Variants in SULT1C2 observed in about 807,000 individuals in gnomAD.
SULT1C2 encodes the protein sulfotransferase 1C2.
A neutral mutation model predicts 36.0 loss-of-function variants in SULT1C2; 27 were observed. The ratio of observed to expected loss-of-function variants is 0.75; its 90% confidence interval spans 0.55 to 1.03. The LOEUF (loss-of-function observed/expected upper bound fraction) is 1.03, where lower values mean the gene tolerates loss of function less well. Among genes scored for constraint, SULT1C2 ranks in the 50% least tolerant of loss-of-function variants. SULT1C2 has a pLI of 0.00. For missense variants in SULT1C2, 395 were observed against 359.2 expected (o/e 1.10, Z -0.80); for synonymous variants, 121 against 116.0 (o/e 1.04, Z -0.27).
At chr2:108,295,012 C>T (rs1224070045) in intron 3 of SULT1C2, among the ~76,000 whole-genome samples, 1 of 152,154 alleles carries the variant, frequency 6.6e-6, no homozygotes, top group Non-Finnish European at 1.5e-5. Context: ...TTGCAGAGAT[C>T]CATGTGATAG....
intron 1 of SULT1C2, among the ~76,000 whole-genome samples, chr2:108,293,127 A>C: frequency 6.9e-6 from 1 of 145,388 alleles, no homozygotes; most frequent in African/African-American, 2.6e-5. Flanking sequence ...TGCAGTGAGC[A>C]GAGATCATGC....
In SULT1C2 at chr2:108,294,292, A is replaced by G; in HGVS notation, c.215A>G (p.Gln72Arg). 1 of 1,614,126 alleles carries G rather than the reference A, an allele frequency of 6.2e-7. No homozygotes were observed. Among genetic ancestry groups the G allele is most frequent in the Non-Finnish European group, 8.5e-7 (1 of 1,180,002 alleles). Reference sequence around the variant, plus strand: ...CAGAATGGGGACGTGGAGAAGTGCCAGCGAGCCATCATCCAACACCGCCAT... The same window carrying G: ...CAGAATGGGGACGTGGAGAAGTGCCGGCGAGCCATCATCCAACACCGCCAT... Reference protein sequence around the residue: ...IEQNGDVEKCQRAIIQHRHPF... With the variant: ...IEQNGDVEKCRRAIIQHRHPF... The change falls in exon 3 of 8, where the codon CAG (glutamine) becomes CGG (arginine). Residue 72 changes from glutamine (Q) to arginine (R), a missense_variant. By Grantham distance (43) the Gln-to-Arg change is conservative. Transcript: ENST00000251481.
chr2:108,300,892 C>T lies in SULT1C2; in HGVS notation c.332C>T (p.Ser111Phe), dbSNP rs72549392. 4.3e-6 allele frequency: 7 copies of T among 1,614,044 alleles called. No individual in the cohort carries two copies. Among genetic ancestry groups the T allele is most frequent in the Non-Finnish European group, 5.9e-6 (7 of 1,180,028 alleles). ...PSPRILKTHLSTQLLPPSFWE... is the reference protein window; with the variant it reads ...PSPRILKTHLFTQLLPPSFWE... ...CCACGGATACTAAAGACTCACCTTT[C>T]CACTCAGCTGCTGCCACCGTCTTTC... Residue 111 changes from serine (S) to phenylalanine (F), a missense_variant, in exon 4 of 8, where the codon TCC (serine) becomes TTC (phenylalanine). Transcript: ENST00000251481.
chr2:108,308,715 G>A lies in SULT1C2; in HGVS notation c.*251G>A. The A allele has an allele frequency of 7.3e-6, 3 of 408,804 alleles. No homozygotes were observed. Among genetic ancestry groups the A allele is most frequent in the South Asian group, 1.1e-4 (2 of 18,898 alleles). The allele number at this position is 408,804 out of a possible 1,614,324, so 25.3% of individuals were successfully genotyped here. On this transcript the variant is annotated 3_prime_UTR_variant, in exon 8 of 8. Coordinates refer to ENST00000251481, the MANE Select transcript of SULT1C2 (RefSeq NM_001056.4). ...GCTTAATAAACTAAGTAAAACGTAT[G>A]ACTTGAGTACAAAAGGATTGTTTTA...
intron 3 of SULT1C2, 119 bp from the exon 4 acceptor site, chr2:108,300,719 A>C: frequency 2.1e-6 from 3 of 1,445,126 alleles, no homozygotes; most frequent in South Asian, 1.6e-5. Context: ...CCCAAAAGAA[A>C]GTCAAGAGAC....
rs759805833 is a variant in SULT1C2 at position 108,305,595 on chromosome 2, G to A, written c.778G>A (p.Gly260Arg). 1 of 1,614,154 alleles carries A rather than the reference G, an allele frequency of 6.2e-7. No individual in the cohort carries two copies. The highest frequency in any genetic ancestry group is 1.1e-5 in the South Asian group (1 of 91,076). Residue 260 changes from glycine to arginine, a missense_variant and splice_region_variant, in exon 7 of 8, where the codon GGA becomes AGA. By Grantham distance (125) the Gly-to-Arg change is moderately radical. Coordinates refer to ENST00000251481, the MANE Select transcript of SULT1C2 (RefSeq NM_001056.4). ...DQSISSFMRK[G>R]TVGDWKNHFT... ...GTCAATTTCCTCCTTCATGAGAAAA[G>A]GTGTGTGGGGCCTCTTTATCATACA...
chr2:108,298,552 A>ATT (rs4149429), intron 3 of SULT1C2: 224 of 229,224 alleles, frequency 9.8e-4, no homozygotes, highest in Middle Eastern at 1.6e-3. Context: ...TAATTTTGGT[A>ATT]TTTTTTTTTT....
At chr2:108,297,372 G>A (rs779706357) in intron 3 of SULT1C2, among the ~76,000 whole-genome samples, 1 of 152,152 alleles carries the variant, frequency 6.6e-6, no homozygotes, top group African/African-American at 2.4e-5. Flanking sequence ...CTCTTTGATG[G>A]CAAGAAACAA....
chr2:108,292,505 C>G (rs1384754276), intron 1 of SULT1C2, among the ~76,000 whole-genome samples: 1 of 151,242 alleles, frequency 6.6e-6, no homozygotes, highest in East Asian at 2.0e-4. Flanking sequence ...AGAAGATGCT[C>G]AACATCATTA....
Position 108,305,280 on chromosome 2 carries a change from C to T in SULT1C2, c.597+14C>T, listed in dbSNP as rs1409527449. The stretch of plus-strand genomic sequence containing the variant: ...GACATAAAGAGGGTGAGTGAAGGCT[C>T]TGCAGAAGAACCATTTTAAAGTGGT... On this transcript the variant is annotated intron_variant, in intron 6 of 7. Transcript: ENST00000251481. 3 of 1,613,902 alleles carry T rather than the reference C, an allele frequency of 1.9e-6. No homozygotes were observed. The highest frequency in any genetic ancestry group is 1.6e-4 in the Middle Eastern group (1 of 6,084).
chr2:108,308,235 T>C, intron 7 of SULT1C2, 117 bp from the exon 8 acceptor site: 2 of 819,748 alleles, frequency 2.4e-6, no homozygotes, highest in Admixed American at 2.6e-5. Flanking sequence ...GAAGGGGGAG[T>C]TGGGTGAGTC....
chr2:108,290,089 A>G (rs1302338696), intron 1 of SULT1C2, among the ~76,000 whole-genome samples: 1 of 152,192 alleles, frequency 6.6e-6, no homozygotes, highest in Non-Finnish European at 1.5e-5. Flanking sequence ...TTCTCAGGGC[A>G]TTAGTTCAAG....
chr2:108,296,071 T>C (rs1309420145), intron 3 of SULT1C2, among the ~76,000 whole-genome samples: 2 of 152,060 alleles, frequency 1.3e-5, no homozygotes, highest in Non-Finnish European at 2.9e-5. Flanking sequence ...ATCACAAACA[T>C]GAGCCACCAC....
intron 1 of SULT1C2, among the ~76,000 whole-genome samples, chr2:108,289,985 A>G (rs1015240869): frequency 2.6e-5 from 4 of 152,128 alleles, no homozygotes; most frequent in African/African-American, 4.8e-5. Context: ...GCCCTTCCAC[A>G]CATGTTCACA....
intron 3 of SULT1C2, among the ~76,000 whole-genome samples, chr2:108,296,716 A>G (rs1042979584): frequency 3.2e-4 from 48 of 152,168 alleles, no homozygotes; most frequent in Non-Finnish European, 6.5e-4. Context: ...CTCCCAAAGC[A>G]CTGAGATTAT....
chr2:108,292,393 AACACACACACACAC>A (rs66462427), intron 1 of SULT1C2, among the ~76,000 whole-genome samples: 117 of 133,454 alleles, frequency 8.8e-4, no homozygotes, highest in African/African-American at 1.7e-3. Context: ...CAACAATGAC[AACACACACACACAC>A]ACACACACAC....
At chr2:108,308,043 T>G (rs1284958171) in intron 7 of SULT1C2, among the ~76,000 whole-genome samples, 1 of 152,210 alleles carries the variant, frequency 6.6e-6, no homozygotes. Context: ...TGTCTGTAGT[T>G]CATCATTCTT....
rs1005531702 is a variant in SULT1C2 at position 108,294,315 on chromosome 2, C to T, written c.238C>T (p.His80Tyr). ...KCQRAIIQHR[H>Y]PFIEWARPPQ... ...CCAGCGAGCCATCATCCAACACCGC[C>T]ATCCTTTCATTGAGTGGGCTCGGCC... The change falls in exon 3 of 8, where the codon CAT becomes TAT. Residue 80 changes from histidine to tyrosine, a missense_variant. Physicochemically the swap from His to Tyr is moderately conservative, Grantham distance 83. Coordinates refer to ENST00000251481, the MANE Select transcript of SULT1C2 (RefSeq NM_001056.4). 6.8e-6 allele frequency: 11 copies of T among 1,613,920 alleles called. No individual in the cohort carries two copies. Among genetic ancestry groups the T allele is most frequent in the Non-Finnish European group, 9.3e-6 (11 of 1,179,966 alleles).
chr2:108,302,906 A>C (rs1441748258), intron 4 of SULT1C2: 1 of 152,216 alleles, frequency 6.6e-6, no homozygotes, highest in Non-Finnish European at 1.5e-5. Flanking sequence ...GTTTGAGGGT[A>C]AAGGTTTGAG....
Sources: allele counts gnomAD v4.1 joint callset (sites outside exome capture counted in the v4.1 genomes callset), GRCh38; gene constraint gnomAD v4.1.1; transcripts MANE v1.5; gene names NCBI Gene and HGNC (gene_info 2026-07-23, HGNC 2026-07-21).